Variants in NRXN3 observed in about 807,000 individuals in gnomAD.
NRXN3 encodes the protein neurexin III.
Under a neutral mutation model 137.6 loss-of-function variants are expected in NRXN3, and 32 were observed. That is an observed-to-expected ratio of 0.23 (90% CI 0.18 to 0.31). The LOEUF (loss-of-function observed/expected upper bound fraction) is 0.31, where lower values mean the gene tolerates loss of function less well. NRXN3 is among the 10% of genes least tolerant of loss of function. The pLI, the probability that NRXN3 is intolerant of heterozygous loss-of-function variation, is 1.00. For synonymous variants in NRXN3, 798 were observed against 784.5 expected (o/e 1.02, Z -0.29); for missense variants, 1,574 against 2,062.5 (o/e 0.76, Z 4.59).
intron 10 of NRXN3, among the ~76,000 whole-genome samples, chr14:78,906,072 C>G (rs1489417303): frequency 4.6e-5 from 7 of 151,928 alleles, no homozygotes; most frequent in African/African-American, 1.2e-4. Flanking sequence ...AAAATTGGTG[C>G]ATTGGTCATT....
At chr14:78,420,798 C>T (rs1412092230) in intron 4 of NRXN3, among the ~76,000 whole-genome samples, 2 of 152,194 alleles carry the variant, frequency 1.3e-5, no homozygotes, top group Non-Finnish European at 2.9e-5. Context: ...TTCATGCAAA[C>T]TGGTGGCTCT....
At chr14:78,796,332 G>A (rs918888) in intron 8 of NRXN3, among the ~76,000 whole-genome samples, 145,431 of 152,284 alleles carry the variant, frequency 0.95, 69,785 homozygotes, top group East Asian at 1. Flanking sequence ...GAAGTGGGCC[G>A]CTATTTGTGC....
At chr14:79,524,678 C>A (rs1401737496) in intron 16 of NRXN3, among the ~76,000 whole-genome samples, 1 of 152,140 alleles carries the variant, frequency 6.6e-6, no homozygotes, top group Non-Finnish European at 1.5e-5. Context: ...TTCCCTTGGC[C>A]TTCCAAAGAT....
At chr14:79,074,755 C>T (rs2045691725) in intron 15 of NRXN3, 2 of 152,216 alleles carry the variant, frequency 1.3e-5, no homozygotes, top group African/African-American at 4.8e-5. Context: ...TTGCAGCTGG[C>T]ATATCTTGTT....
At chr14:78,479,177 C>G (rs6574448) in intron 4 of NRXN3, among the ~76,000 whole-genome samples, 152,327 of 152,330 alleles carry the variant, frequency 1, 76,162 homozygotes, top group Middle Eastern at 1. Flanking sequence ...TAAAAATTAC[C>G]AATGCCCAGG....
intron 4 of NRXN3, among the ~76,000 whole-genome samples, chr14:78,609,363 T>C (rs1179648305): frequency 6.6e-6 from 1 of 151,996 alleles, no homozygotes; most frequent in Non-Finnish European, 1.5e-5. Context: ...TAATGAAAGA[T>C]GTTATTAATT....
At chr14:78,630,597 C>CTTTTTTTTTTTTTT (rs370862037) in intron 4 of NRXN3, among the ~76,000 whole-genome samples, 11 of 127,832 alleles carry the variant, frequency 8.6e-5, no homozygotes, top group East Asian at 4.2e-4. Flanking sequence ...TTCTTTCTTT[C>CTTTTTTTTTTTTTT]TTTTTTTTTT....
chr14:79,000,121 G>T (rs1331998059), intron 15 of NRXN3, among the ~76,000 whole-genome samples: 1 of 152,090 alleles, frequency 6.6e-6, no homozygotes, highest in Non-Finnish European at 1.5e-5. Flanking sequence ...GCATTGGTAA[G>T]AAACAATATC....
chr14:79,172,243 G>A (rs904724817), intron 15 of NRXN3, among the ~76,000 whole-genome samples: 1 of 151,262 alleles, frequency 6.6e-6, no homozygotes, highest in East Asian at 1.9e-4. Flanking sequence ...CTGAATCATG[G>A]CCATAATACT....
intron 15 of NRXN3, among the ~76,000 whole-genome samples, chr14:79,325,366 G>T (rs531290043): frequency 1.3e-5 from 2 of 152,210 alleles, no homozygotes; most frequent in East Asian, 3.9e-4. Flanking sequence ...TCACATGTTG[G>T]CCACTCCCGA....
At chr14:79,070,896 T>A (rs1402988408) in intron 15 of NRXN3, among the ~76,000 whole-genome samples, 1 of 151,950 alleles carries the variant, frequency 6.6e-6, no homozygotes, top group African/African-American at 2.4e-5. Context: ...ATGTTGGGGG[T>A]GATTCTGGGA....
At chr14:78,630,815 C>A (rs760279314) in intron 4 of NRXN3, among the ~76,000 whole-genome samples, 156 of 152,248 alleles carry the variant, frequency 1.0e-3, no homozygotes, top group Non-Finnish European at 2.0e-3. Flanking sequence ...CCGTGTTAGC[C>A]AGGATGGTCT....
intron 4 of NRXN3, among the ~76,000 whole-genome samples, chr14:78,448,158 A>C (rs373495752): frequency 1.8e-4 from 28 of 152,268 alleles, no homozygotes; most frequent in African/African-American, 6.7e-4. Flanking sequence ...TATCATCTTT[A>C]CTGTTCAACT....
At chr14:78,173,804 TCC>T (rs199813042) in intron 1 of NRXN3, among the ~76,000 whole-genome samples, 4 of 127,408 alleles carry the variant, frequency 3.1e-5, no homozygotes, top group Non-Finnish European at 4.9e-5. Context: ...AGTCGGCACA[TCC>T]ACACACACAC....
chr14:78,406,373 C>T (rs1027921057), intron 4 of NRXN3, among the ~76,000 whole-genome samples: 3 of 152,272 alleles, frequency 2.0e-5, no homozygotes, highest in African/African-American at 4.8e-5. Flanking sequence ...AGGATGACTG[C>T]GGGAGTTTCA....
At chr14:79,853,781 T>C in intron 20 of NRXN3, 1 of 1,013,086 alleles carries the variant, frequency 9.9e-7, no homozygotes, top group Non-Finnish European at 1.2e-6. Context: ...CAAAAAAATA[T>C]ATATATCTGA....
chr14:79,399,049 G>T (rs1358845512), intron 15 of NRXN3, among the ~76,000 whole-genome samples: 2 of 149,854 alleles, frequency 1.3e-5, no homozygotes, highest in Non-Finnish European at 3.0e-5. Flanking sequence ...AAAAAAAGCT[G>T]GGAGTTTCAT....
chr14:79,346,871 T>C (rs914440645), intron 15 of NRXN3, among the ~76,000 whole-genome samples: 1 of 152,192 alleles, frequency 6.6e-6, no homozygotes, highest in African/African-American at 2.4e-5. Flanking sequence ...ATGAGGTCTG[T>C]GTTTCTGTCT....
At chr14:79,094,941 A>G (rs906045532) in intron 15 of NRXN3, among the ~76,000 whole-genome samples, 1 of 121,610 alleles carries the variant, frequency 8.2e-6, no homozygotes, top group Admixed American at 9.2e-5. Context: ...GGCTTCTGAG[A>G]GAGAGAAAGA....
Sources: allele counts gnomAD v4.1 joint callset (sites outside exome capture counted in the v4.1 genomes callset), GRCh38; gene constraint gnomAD v4.1.1; transcripts MANE v1.5; gene names NCBI Gene and HGNC (gene_info 2026-07-23, HGNC 2026-07-21).